ITGA9: variants seen among roughly 807,000 people sequenced by gnomAD.
The protein encoded by ITGA9 is integrin subunit alpha 9.
Under a neutral mutation model 127.8 loss-of-function variants are expected in ITGA9, and 56 were observed. The observed-to-expected ratio is 0.44, with a 90% CI of 0.35 to 0.55. The LOEUF is 0.55. Among genes scored for constraint, ITGA9 ranks in the 20% least tolerant of loss-of-function variants. The pLI, the probability that ITGA9 is intolerant of heterozygous loss-of-function variation, is 0.00. For missense variants in ITGA9, 1,196 were observed against 1,347.1 expected, an observed-to-expected ratio of 0.89 and a Z score of 1.76; for synonymous variants, 508 against 514.5, an observed-to-expected ratio of 0.99 and a Z score of 0.17.
intron 1 of ITGA9, among the ~76,000 whole-genome samples, chr3:37,459,445 G>A (rs1160043822): frequency 2.1e-4 from 32 of 152,336 alleles, no homozygotes; most frequent in Non-Finnish European, 3.7e-4. Flanking sequence ...CAGTGAAAGG[G>A]ATGAGGGAGC....
intron 2 of ITGA9, 31 bp downstream of exon 2, chr3:37,471,165 G>A (rs755215406): frequency 3.1e-6 from 5 of 1,612,738 alleles, no homozygotes; most frequent in Admixed American, 1.7e-5. Flanking sequence ...TGGTGGAAAT[G>A]GGTTCTGTAC....
chr3:37,494,121 G>A (rs1366050046), intron 4 of ITGA9, among the ~76,000 whole-genome samples: 1 of 152,150 alleles, frequency 6.6e-6, no homozygotes, highest in Non-Finnish European at 1.5e-5. Context: ...CACTGGGATG[G>A]CCACATCATT....
chr3:37,494,626 A>G (rs376481414), intron 5 of ITGA9, 58 bp downstream of exon 5: 63 of 1,479,774 alleles, frequency 4.3e-5, no homozygotes, highest in Admixed American at 1.0e-4. Context: ...TTCCTTGCTT[A>G]TATGATTTTG....
In ITGA9 at chr3:37,823,481, T is replaced by A. The variant is rs1296646896; in HGVS notation, c.*4492T>A. 1 of 152,212 alleles carries A rather than the reference T, an allele frequency of 6.6e-6. No homozygotes were observed. Among genetic ancestry groups the A allele is most frequent in the African/African-American group, 2.4e-5 (1 of 41,450 alleles). 9.4% of individuals were successfully genotyped at this position (152,212 alleles called of 1,614,324 possible). A position where few individuals can be genotyped will look rare whatever the true frequency, so the allele number is the denominator to read the frequency against. ...TGTCAGGTTTACAAAAACATACATG[T>A]TTGGAATAAAAAATGGCTGCAAACA... On this transcript the variant is annotated 3_prime_UTR_variant, in exon 28 of 28. Transcript: ENST00000264741.
chr3:37,589,396 A>G (rs1328428515), intron 15 of ITGA9, among the ~76,000 whole-genome samples: 1 of 152,218 alleles, frequency 6.6e-6, no homozygotes, highest in Admixed American at 6.5e-5. Flanking sequence ...ATTCCATGCC[A>G]TAGTGGAGCT....
chr3:37,459,726 C>G (rs1015544830), intron 1 of ITGA9, among the ~76,000 whole-genome samples: 1 of 152,198 alleles, frequency 6.6e-6, no homozygotes, highest in African/African-American at 2.4e-5. Flanking sequence ...TTTGCCCACC[C>G]AGGCTGACTG....
At chr3:37,765,331 G>T (rs1384941218) in intron 23 of ITGA9, among the ~76,000 whole-genome samples, 1 of 152,156 alleles carries the variant, frequency 6.6e-6, no homozygotes, top group Non-Finnish European at 1.5e-5. Context: ...TTACTTATCA[G>T]AAACGAAAGC....
intron 15 of ITGA9, among the ~76,000 whole-genome samples, chr3:37,627,492 G>A (rs1700187366): frequency 6.6e-6 from 1 of 152,220 alleles, no homozygotes; most frequent in Non-Finnish European, 1.5e-5. Context: ...ACAAGCTTCT[G>A]TGGCCCCGTA....
intron 15 of ITGA9, among the ~76,000 whole-genome samples, chr3:37,627,990 G>T (rs1272006613): frequency 2.6e-5 from 4 of 152,122 alleles, no homozygotes; most frequent in Non-Finnish European, 5.9e-5. Context: ...ATTCCTCCCC[G>T]TGTGCCTCCT....
chr3:37,790,956 G>A (rs372677003), intron 26 of ITGA9: 44 of 152,314 alleles, frequency 2.9e-4, no homozygotes, highest in African/African-American at 1.1e-3. Context: ...TCATGCCCTG[G>A]AAAGCTGGCC....
At chr3:37,791,380 G>A (rs1697107671) in intron 26 of ITGA9, among the ~76,000 whole-genome samples, 1 of 152,180 alleles carries the variant, frequency 6.6e-6, no homozygotes, top group Non-Finnish European at 1.5e-5. Flanking sequence ...GTGACAGCTG[G>A]AAAGACTGGC....
In ITGA9 at chr3:37,512,063, T is replaced by TC. The variant is rs1411265589; in HGVS notation, c.898-1699dup. 1.9e-4 allele frequency among the ~76,000 whole-genome samples: 15 copies of TC among 78,284 alleles called. 1 individual carries two copies. The highest frequency in any genetic ancestry group is 4.9e-3 in the Middle Eastern group (1 of 204). 51.4% of individuals were successfully genotyped at this position (78,284 alleles called of 152,430 possible). A position where few individuals can be genotyped will look rare whatever the true frequency, so the allele number is the denominator to read the frequency against. Reference sequence around the variant, plus strand: ...TTCTTTCTTTCTTTCTTTCTTTCTTTCTTTCTTTCTTTCCTTCCTTCCTTC... The same window carrying TC: ...TTCTTTCTTTCTTTCTTTCTTTCTTTCCTTTCTTTCTTTCCTTCCTTCCTTC... On this transcript the variant is annotated intron_variant, in intron 8 of 27. Coordinates refer to ENST00000264741, the MANE Select transcript of ITGA9 (RefSeq NM_002207.3).
At chr3:37,653,968 T>G (rs1317619106) in intron 17 of ITGA9, among the ~76,000 whole-genome samples, 178 bp downstream of exon 17, 3 of 152,196 alleles carry the variant, frequency 2.0e-5, no homozygotes. Flanking sequence ...AAAAGCTTTG[T>G]TGGGAAGATT....
At chr3:37,479,192 C>A (rs1293654308) in intron 3 of ITGA9, among the ~76,000 whole-genome samples, 3 of 152,092 alleles carry the variant, frequency 2.0e-5, no homozygotes, top group Non-Finnish European at 4.4e-5. Flanking sequence ...CTTTAAAAAT[C>A]AATTATTTAG....
At position 37,523,549 on chromosome 3, in the gene ITGA9, T is replaced by G. The variant is rs764420755; in HGVS notation, c.1265T>G (p.Val422Gly). ...CTGTCTGGGCAGAAGATAAATCCAG[T>G]GCTCCGGATGTTTGGTCAGTCCATA... is the stretch of plus-strand genomic sequence containing the variant. ...MKLSGQKINP[V>G]LRMFGQSISG... The change falls in exon 12 of 28, where the codon GTG becomes GGG. Residue 422 changes from valine to glycine, a missense_variant. By Grantham distance (109) the Val-to-Gly change is moderately radical. Transcript: ENST00000264741. 1.2e-6 allele frequency: 2 copies of G among 1,614,014 alleles called. No homozygotes were observed. Among genetic ancestry groups the G allele is most frequent in the Non-Finnish European group, 1.7e-6 (2 of 1,179,874 alleles).
chr3:37,496,894 A>G (rs959667905), intron 5 of ITGA9, among the ~76,000 whole-genome samples: 7 of 152,182 alleles, frequency 4.6e-5, no homozygotes, highest in African/African-American at 1.7e-4. Flanking sequence ...GCTGGGTCCA[A>G]AGGCACTCAG....
chr3:37,512,189 CTTTTCTTTTCTTTTCT>C (rs1559524966), intron 8 of ITGA9, among the ~76,000 whole-genome samples: 453 of 28,756 alleles, frequency 0.016, 22 homozygotes, highest in East Asian at 0.08. Flanking sequence ...CTTTTCTTTT[CTTTTCTTTTCTTTTCT>C]TTTCTTTCTT....
At chr3:37,489,708 T>C (rs1698648406) in intron 4 of ITGA9, among the ~76,000 whole-genome samples, 1 of 120,618 alleles carries the variant, frequency 8.3e-6, no homozygotes, top group South Asian at 2.5e-4. Context: ...TTTTTTTTTT[T>C]TACTAGAGCT....
intron 7 of ITGA9, among the ~76,000 whole-genome samples, 179 bp from the exon 8 acceptor site, chr3:37,508,380 C>A (rs1559523195): frequency 6.6e-6 from 1 of 151,806 alleles, no homozygotes; most frequent in African/African-American, 2.4e-5. Flanking sequence ...TTGAAGGACC[C>A]TTTTTTTTGC....
Sources: allele counts gnomAD v4.1 joint callset (sites outside exome capture counted in the v4.1 genomes callset), GRCh38; gene constraint gnomAD v4.1.1; transcripts MANE v1.5; gene names NCBI Gene and HGNC (gene_info 2026-07-23, HGNC 2026-07-21).